Variants in SMAD4 observed in about 807,000 individuals in gnomAD.
The protein encoded by SMAD4 is SMAD family member 4, also known as MAD homolog 4.
Under a neutral mutation model 63.2 loss-of-function variants are expected in SMAD4, and 7 were observed. The observed-to-expected ratio is 0.11, with a 90% confidence interval of 0.06 to 0.21. The LOEUF (loss-of-function observed/expected upper bound fraction) is 0.21, where lower values mean the gene tolerates loss of function less well. Ranked by LOEUF, SMAD4 falls within the 10% of genes least tolerant of loss-of-function variation. The pLI, the probability that SMAD4 is intolerant of heterozygous loss-of-function variation, is 1.00. For missense variants in SMAD4, 312 were observed against 693.8 expected, an observed-to-expected ratio of 0.45 and a Z score of 6.18; for synonymous variants, 215 against 235.4, an observed-to-expected ratio of 0.91 and a Z score of 0.79.
At chr18:51,060,698 A>G (rs1909985685) in intron 8 of SMAD4, among the ~76,000 whole-genome samples, 1 of 152,120 alleles carries the variant, frequency 6.6e-6, no homozygotes, top group African/African-American at 2.4e-5. Context: ...CAGTGGCATG[A>G]TCTCAGATTA....
intron 4 of SMAD4, chr18:51,053,429 A>T (rs1302793098): frequency 6.6e-6 from 1 of 152,082 alleles, no homozygotes; most frequent in Non-Finnish European, 1.5e-5. Flanking sequence ...AACTTGGCCA[A>T]TGTTGATGAG....
chr18:51,055,975 T>A (rs1909835117), intron 5 of SMAD4, among the ~76,000 whole-genome samples: 1 of 152,196 alleles, frequency 6.6e-6, no homozygotes, highest in Non-Finnish European at 1.5e-5. Flanking sequence ...TACCAGAATT[T>A]CCCCTTTAAT....
chr18:51,057,993 A>AT (rs1467506979), intron 5 of SMAD4, 132 bp from the exon 6 acceptor site: 1 of 1,030,282 alleles, frequency 9.7e-7, no homozygotes, highest in African/African-American at 1.6e-5. Flanking sequence ...CTGATAGGCC[A>AT]TGGGTGAGTT....
chr18:51,052,115 T>C (rs924568224), intron 4 of SMAD4, among the ~76,000 whole-genome samples: 7 of 152,088 alleles, frequency 4.6e-5, no homozygotes, highest in South Asian at 2.1e-4. Context: ...CCCAGCCCTC[T>C]TAGAACATTT....
In SMAD4 at chr18:51,078,512, T is replaced by G. The variant is rs765726171; in HGVS notation, c.*45T>G. ...CCTTAACCTTATCAGGATGGTGGAC[T>G]ACAAAATACAATCCTGTTTATAATC... On this transcript the variant is annotated 3_prime_UTR_variant, in exon 12 of 12. Transcript: ENST00000342988. The G allele has an allele frequency of 5.7e-6, 7 of 1,218,144 alleles. No homozygotes were observed. Among genetic ancestry groups the G allele is most frequent in the Non-Finnish European group, 8.4e-6 (7 of 828,460 alleles). The allele number at this position is 1,218,144 out of a possible 1,614,324, so 75.5% of individuals were successfully genotyped here. A position where few individuals can be genotyped will look rare whatever the true frequency, so the allele number is the denominator to read the frequency against.
At chr18:51,048,593 A>G in intron 2 of SMAD4, 93 bp from the exon 3 acceptor site, 1 of 1,116,976 alleles carries the variant, frequency 9.0e-7, no homozygotes, top group Non-Finnish European at 1.3e-6. Flanking sequence ...GGATTGTAAT[A>G]CTGAGTTGGT....
In SMAD4 at chr18:51,079,808, A is replaced by AT. The variant is rs962221184; in HGVS notation, c.*1351dup. The AT allele has an allele frequency of 9.4e-4, 212 of 225,198 alleles. No individual in the cohort carries two copies. The highest frequency in any genetic ancestry group is 1.3e-3 in the Non-Finnish European group (147 of 113,664). 13.9% of individuals were successfully genotyped at this position (225,198 alleles called of 1,614,324 possible). Reference sequence around the variant, plus strand: ...TTGAATTCTAGGTTTGATTTTTAAGATTTTTTTTTTCTTTTGCACTTTTGA... The same window carrying AT: ...TTGAATTCTAGGTTTGATTTTTAAGATTTTTTTTTTTCTTTTGCACTTTTGA... On this transcript the variant is annotated 3_prime_UTR_variant, in exon 12 of 12. Transcript: ENST00000342988.
In SMAD4 at chr18:51,058,473, G is replaced by A. The variant is rs762952272; in HGVS notation, c.904+17G>A. Reference sequence around the variant, plus strand: ...GACATTACTGTAAGCTCTTGTTTTTGTTGTAAGGGCTATTTTTTTTTTTTT... The same window carrying A: ...GACATTACTGTAAGCTCTTGTTTTTATTGTAAGGGCTATTTTTTTTTTTTT... On this transcript the variant is annotated intron_variant, in intron 7 of 11. Coordinates refer to ENST00000342988, the MANE Select transcript of SMAD4 (RefSeq NM_005359.6). 3 of 1,453,116 alleles carry A rather than the reference G, an allele frequency of 2.1e-6. No individual in the cohort carries two copies. Among genetic ancestry groups the A allele is most frequent in the Non-Finnish European group, 2.9e-6 (3 of 1,052,350 alleles). The allele number at this position is 1,453,116 out of a possible 1,614,324, so 90.0% of individuals were successfully genotyped here.
At chr18:51,062,044 G>C (rs1599192830) in intron 8 of SMAD4, among the ~76,000 whole-genome samples, 1 of 152,162 alleles carries the variant, frequency 6.6e-6, no homozygotes, top group African/African-American at 2.4e-5. Context: ...GTGCTGGCTA[G>C]CAGTAGATGT....
chr18:51,076,843 T>A (rs2144475199), intron 11 of SMAD4, 67 bp downstream of exon 11: 1 of 1,269,120 alleles, frequency 7.9e-7, no homozygotes, highest in Non-Finnish European at 1.1e-6. Flanking sequence ...TTTACTCAGT[T>A]GATTAGTTTC....
In SMAD4 at chr18:51,059,931, A is replaced by G. The variant is rs185228929; in HGVS notation, c.955+15A>G. On this transcript the variant is annotated intron_variant, in intron 8 of 11. Transcript: ENST00000342988. ...CAATCATCCTGGTAAGTGTATTTCA[A>G]AATTGATTTCCTGTATTTAGATTGA... 6 of 1,597,486 alleles carry G rather than the reference A, an allele frequency of 3.8e-6. No homozygotes were observed. In the East Asian group the frequency reaches 8.9e-5, roughly 24 times the overall value.
At position 51,066,256 on chromosome 18, in the gene SMAD4, A is replaced by T. The variant is rs1599196220; in HGVS notation, c.1139+650A>T. Among the ~76,000 whole-genome samples the T allele has an allele frequency of 5.3e-5, 8 of 151,330 alleles. No individual in the cohort carries two copies. In the East Asian group the frequency reaches 1.6e-3, roughly 30 times the overall value. ...CTACTCAGGAGGCTGAGACAGGAGA[A>T]TTGCTTGAACCCAGGAGGTGGAGGT... is the stretch of plus-strand genomic sequence containing the variant. On this transcript the variant is annotated intron_variant, in intron 9 of 11. Coordinates refer to ENST00000342988, the MANE Select transcript of SMAD4 (RefSeq NM_005359.6).
intron 7 of SMAD4, among the ~76,000 whole-genome samples, 159 bp downstream of exon 7, chr18:51,058,615 C>T (rs559689937): frequency 6.7e-6 from 1 of 148,550 alleles, no homozygotes; most frequent in Admixed American, 6.8e-5. Flanking sequence ...TATTATTTTT[C>T]ATAGTTATCC....
At chr18:51,059,718 T>C (rs751800673) in intron 7 of SMAD4, 148 bp from the exon 8 acceptor site, 26 of 664,858 alleles carry the variant, frequency 3.9e-5, no homozygotes, top group Non-Finnish European at 6.2e-5. Context: ...TTGCTTATTG[T>C]AAACTTTTAA....
At chr18:51,061,065 A>T (rs1909998826) in intron 8 of SMAD4, among the ~76,000 whole-genome samples, 1 of 152,006 alleles carries the variant, frequency 6.6e-6, no homozygotes, top group African/African-American at 2.4e-5. Flanking sequence ...TATATTTTTA[A>T]ATGATTTTAT....
intron 10 of SMAD4, among the ~76,000 whole-genome samples, chr18:51,071,713 C>G (rs1397592802): frequency 1.3e-5 from 2 of 152,176 alleles, no homozygotes; most frequent in African/African-American, 4.8e-5. Context: ...GTCATTACTA[C>G]TCAATTTTGG....
intron 1 of SMAD4, among the ~76,000 whole-genome samples, chr18:51,037,754 A>G (rs1020534001): frequency 2.6e-5 from 4 of 152,182 alleles, no homozygotes; most frequent in Non-Finnish European, 5.9e-5. Context: ...ATTTTTATTT[A>G]ACAGGATGAC....
intron 1 of SMAD4, among the ~76,000 whole-genome samples, chr18:51,037,918 A>T (rs572872677): frequency 6.6e-6 from 1 of 152,172 alleles, no homozygotes; most frequent in Admixed American, 6.5e-5. Context: ...AACTCCTGTC[A>T]CTATGACTTG....
At chr18:51,038,248 CTG>C (rs1491091565) in intron 1 of SMAD4, among the ~76,000 whole-genome samples, 2 of 91,152 alleles carry the variant, frequency 2.2e-5, no homozygotes, top group Non-Finnish European at 4.4e-5. Flanking sequence ...CAGAGCGAGA[CTG>C]TGGGGGGGGG....
Sources: allele counts gnomAD v4.1 joint callset (sites outside exome capture counted in the v4.1 genomes callset), GRCh38; gene constraint gnomAD v4.1.1; transcripts MANE v1.5; gene names NCBI Gene and HGNC (gene_info 2026-07-23, HGNC 2026-07-21).